JADE1: variants seen among roughly 807,000 people sequenced by gnomAD.
JADE1 encodes the protein protein Jade-1.
A neutral mutation model predicts 81.8 loss-of-function variants in JADE1; 14 were observed. The observed-to-expected ratio is 0.17, with a 90% CI of 0.11 to 0.27. The LOEUF (loss-of-function observed/expected upper bound fraction) is 0.27. Ranked by LOEUF, JADE1 falls within the 10% of genes least tolerant of loss-of-function variation. The pLI is 1.00. For missense variants in JADE1, 690 were observed against 1,047.9 expected (o/e 0.66, Z 4.71); for synonymous variants, 353 against 391.9 (o/e 0.90, Z 1.17).
At chr4:128,862,456 A>G (rs542138279) in intron 9 of JADE1, 31 of 1,395,988 alleles carry the variant, frequency 2.2e-5, no homozygotes, top group Non-Finnish European at 2.9e-5. Flanking sequence ...TTTTTTAAAA[A>G]CACTTTCCCA....
rs1041995022 is a variant in JADE1, at chr4:128,846,425, G to T, written c.189G>T (p.Gln63His). Residue 63 changes from glutamine (Q) to histidine (H), a missense_variant, in exon 4 of 11, where the codon CAG becomes CAT. Gln to His is a conservative substitution (Grantham distance 24). This residue lies in a region of JADE1 where 98 missense variants were observed against 161.3 expected (regional missense o/e 0.61). Transcript: ENST00000226319. The surrounding 1 kb of genome is among the most constrained non-coding windows in gnomAD (Gnocchi z 4.0). Reference sequence around the variant, plus strand: ...CCATGAAGTTGCATGACTCCTACCAGCTGAATCCGGATGAGTACTATGTGT... The same window carrying T: ...CCATGAAGTTGCATGACTCCTACCATCTGAATCCGGATGAGTACTATGTGT... ...ITAMKLHDSY[Q>H]LNPDEYYVLA... 1 of 1,614,178 alleles carries T rather than the reference G, an allele frequency of 6.2e-7. No homozygotes were observed. Among genetic ancestry groups the T allele is most frequent in the African/African-American group, 1.3e-5 (1 of 75,042 alleles).
intron 10 of JADE1, among the ~76,000 whole-genome samples, chr4:128,870,438 A>G (rs1163030285): frequency 6.6e-6 from 1 of 152,114 alleles, no homozygotes; most frequent in Non-Finnish European, 1.5e-5. Flanking sequence ...CTCTTTCTAG[A>G]TGATCTTGAG....
chr4:128,867,942 C>T lies in JADE1; in HGVS notation c.1590C>T (p.Tyr530=). The T allele has an allele frequency of 1.2e-6, 2 of 1,613,010 alleles. No individual in the cohort carries two copies. Among genetic ancestry groups the T allele is most frequent in the Non-Finnish European group, 1.7e-6 (2 of 1,179,032 alleles). The change falls in exon 10 of 11, where the codon TAC becomes TAT. Residue 530 remains tyrosine (Y), a synonymous_variant. Coordinates refer to ENST00000226319, the MANE Select transcript of JADE1 (RefSeq NM_199320.4). Reference sequence around the variant, plus strand: ...TCCAGGAACAGATATTCAATCTTTACACTAAGCTTTTGGAGCAAGAAAGAG... The same window carrying T: ...TCCAGGAACAGATATTCAATCTTTATACTAAGCTTTTGGAGCAAGAAAGAG... ...CKVQEQIFNL[Y]TKLLEQERVS... is the part of the protein sequence containing the mutation.
chr4:128,864,130 T>G (rs780180730), intron 9 of JADE1: 306 of 981,010 alleles, frequency 3.1e-4, no homozygotes, highest in Non-Finnish European at 3.5e-4. Context: ...CTAAGGAACT[T>G]TAAAGAATTT....
intron 2 of JADE1, among the ~76,000 whole-genome samples, chr4:128,834,341 G>A (rs1728795615): frequency 6.6e-6 from 1 of 152,042 alleles, no homozygotes; most frequent in Non-Finnish European, 1.5e-5. Context: ...AGGCATCGCT[G>A]GTGTGCCTCA....
chr4:128,853,128 G>C (rs1231507732), intron 6 of JADE1, among the ~76,000 whole-genome samples: 4 of 152,104 alleles, frequency 2.6e-5, no homozygotes, highest in African/African-American at 9.6e-5. Flanking sequence ...CGCCCACCTT[G>C]GCCTTCCAAA....
chr4:128,861,592 G>A (rs1731332817), intron 8 of JADE1, 112 bp from the exon 9 acceptor site: 2 of 1,193,232 alleles, frequency 1.7e-6, no homozygotes, highest in Admixed American at 4.4e-5. Flanking sequence ...GCACATGCTT[G>A]AAGCATGGCT....
intron 3 of JADE1, among the ~76,000 whole-genome samples, chr4:128,843,973 A>G (rs1028620997): frequency 2.0e-5 from 3 of 152,182 alleles, no homozygotes; most frequent in African/African-American, 7.2e-5. Flanking sequence ...CCATCCCAGG[A>G]GGCACTTTAG....
At chr4:128,857,502 G>A (rs752295869) in intron 8 of JADE1, 48 bp downstream of exon 8, 2 of 1,414,518 alleles carry the variant, frequency 1.4e-6, no homozygotes, top group South Asian at 2.3e-5. Flanking sequence ...CTGCGTGGTG[G>A]GGAGCAGGAT....
intron 1 of JADE1, among the ~76,000 whole-genome samples, chr4:128,811,097 C>A (rs1726311566): frequency 6.6e-6 from 1 of 152,194 alleles, no homozygotes; most frequent in Admixed American, 6.5e-5. Flanking sequence ...TGTTCGGTAG[C>A]CAGCAGGCTT....
chr4:128,857,841 A>T (rs114826776), intron 8 of JADE1, among the ~76,000 whole-genome samples: 2 of 152,314 alleles, frequency 1.3e-5, no homozygotes, highest in East Asian at 3.9e-4. Flanking sequence ...TCCCACCTGC[A>T]GTCACTGAGT....
chr4:128,866,891 C>A (rs1013135309), intron 9 of JADE1, among the ~76,000 whole-genome samples: 1 of 152,082 alleles, frequency 6.6e-6, no homozygotes, highest in East Asian at 1.9e-4. Flanking sequence ...TTTGCAGGTC[C>A]GTGTAATCTA....
chr4:128,809,889 G>C lies in JADE1; in HGVS notation c.-27+12G>C, dbSNP rs929188948. ...CCCCTCCGCAGCAGGTACGCGCGCG[G>C]GCCGCGGGGGGCGCGCGGGGTGGGC... On this transcript the variant is annotated intron_variant, in intron 1 of 10. Coordinates refer to ENST00000226319, the MANE Select transcript of JADE1 (RefSeq NM_199320.4). 1.3e-4 allele frequency: 20 copies of C among 148,180 alleles called. No individual in the cohort carries two copies. Among genetic ancestry groups the C allele is most frequent in the African/African-American group, 4.9e-4 (20 of 40,890 alleles). The allele number at this position is 148,180 out of a possible 1,614,324, so 9.2% of individuals were successfully genotyped here.
intron 9 of JADE1, chr4:128,864,609 T>TA: frequency 1.0e-6 from 1 of 985,328 alleles, no homozygotes; most frequent in Non-Finnish European, 1.2e-6. Flanking sequence ...GGGGTGACAA[T>TA]AAAAAACCAA....
chr4:128,853,053 A>G (rs1730498408), intron 6 of JADE1, among the ~76,000 whole-genome samples: 1 of 151,648 alleles, frequency 6.6e-6, no homozygotes, highest in South Asian at 2.1e-4. Flanking sequence ...GTGCCACCAC[A>G]CCTGGCTAGA....
At chr4:128,848,180 C>T (rs1730027403) in intron 4 of JADE1, among the ~76,000 whole-genome samples, 1 of 151,802 alleles carries the variant, frequency 6.6e-6, no homozygotes, top group South Asian at 2.1e-4. Flanking sequence ...GTCTTATTTC[C>T]TTTTTTTTGT....
chr4:128,846,401 C>T lies in JADE1; in HGVS notation c.165C>T (p.Ala55=). 6.2e-7 allele frequency: 1 copy of T among 1,614,182 alleles called. No individual in the cohort carries two copies. The highest frequency in any genetic ancestry group is 1.1e-5 in the South Asian group (1 of 91,084). ...SEVFRTDLIT[A]MKLHDSYQLN... is the part of the protein sequence containing the mutation. ...TGTTTAGGACAGACCTGATCACTGC[C>T]ATGAAGTTGCATGACTCCTACCAGC... The change falls in exon 4 of 11, where the codon GCC becomes GCT. Residue 55 remains alanine (A), a synonymous_variant. Coordinates refer to ENST00000226319, the MANE Select transcript of JADE1 (RefSeq NM_199320.4). The surrounding 1 kb of genome is among the most constrained non-coding windows in gnomAD (Gnocchi z 4.0).
intron 9 of JADE1, chr4:128,862,894 CTG>C (rs3069699): frequency 9.2e-3 from 7,778 of 842,922 alleles, no homozygotes; most frequent in Middle Eastern, 0.011. Context: ...ATCACTGAGG[CTG>C]TGTGTGTGTG....
chr4:128,809,833 G>T lies in JADE1; in HGVS notation c.-71G>T, dbSNP rs1295598088. On this transcript the variant is annotated 5_prime_UTR_variant, in exon 1 of 11. It introduces an in-frame stop codon into an upstream open reading frame of the 5' UTR. Coordinates refer to ENST00000226319, the MANE Select transcript of JADE1 (RefSeq NM_199320.4). ...CGAACTCATGCAGCTCCGAGCGAGC[G>T]AGCGGCGCCCAGCCCAGCGCCTCGG... 5 of 151,086 alleles carry T rather than the reference G, an allele frequency of 3.3e-5. No individual in the cohort carries two copies. Among genetic ancestry groups the T allele is most frequent in the South Asian group, 3.8e-4 (2 of 5,208 alleles). The allele number at this position is 151,086 out of a possible 1,614,324, so 9.4% of individuals were successfully genotyped here.
Sources: allele counts gnomAD v4.1 joint callset (sites outside exome capture counted in the v4.1 genomes callset), GRCh38; gene constraint gnomAD v4.1.1; regional missense constraint gnomAD v4.1.1; non-coding constraint Gnocchi (gnomAD v3.1); transcripts MANE v1.5; gene names NCBI Gene and HGNC (gene_info 2026-07-23, HGNC 2026-07-21).